GALNT17: variants seen among roughly 807,000 people sequenced by gnomAD.
The protein encoded by GALNT17 is UDP-GalNAc:polypeptide N-acetylgalactosaminyltransferase-like 3.
GALNT17 carries 29 observed loss-of-function variants against 63.7 expected under a neutral mutation model. That is an observed-to-expected ratio of 0.46 (90% confidence interval 0.34 to 0.62). The LOEUF (loss-of-function observed/expected upper bound fraction) is 0.62, where lower values mean the gene tolerates loss of function less well. GALNT17 is among the 20% of genes least tolerant of loss of function. The pLI is 0.01. For missense variants in GALNT17, 603 were observed against 799.6 expected, an observed-to-expected ratio of 0.75 and a Z score of 2.97; for synonymous variants, 305 against 318.3, an observed-to-expected ratio of 0.96 and a Z score of 0.45.
At chr7:71,691,321 G>A (rs1791440010) in intron 9 of GALNT17, among the ~76,000 whole-genome samples, 1 of 152,188 alleles carries the variant, frequency 6.6e-6, no homozygotes, top group Non-Finnish European at 1.5e-5. Flanking sequence ...ATTAAGCTAT[G>A]CACATTTTTA....
intron 1 of GALNT17, among the ~76,000 whole-genome samples, chr7:71,142,963 T>C (rs1303528956): frequency 6.9e-6 from 1 of 145,882 alleles, no homozygotes; most frequent in East Asian, 2.0e-4. Context: ...AAAAAAGGAA[T>C]GTTACACTGA....
chr7:71,220,348 T>A (rs1789561081), intron 1 of GALNT17, among the ~76,000 whole-genome samples: 1 of 152,210 alleles, frequency 6.6e-6, no homozygotes, highest in Admixed American at 6.5e-5. Context: ...TGCTTCAGTT[T>A]ATCTTGGCAC....
At chr7:71,413,566 G>T (rs1304598094) in intron 3 of GALNT17, among the ~76,000 whole-genome samples, 1 of 151,674 alleles carries the variant, frequency 6.6e-6, no homozygotes, top group African/African-American at 2.4e-5. Context: ...AAGAGACAGG[G>T]TTTCTCCATG....
intron 5 of GALNT17, among the ~76,000 whole-genome samples, chr7:71,444,005 G>T (rs899851049): frequency 2.0e-5 from 3 of 152,200 alleles, no homozygotes; most frequent in Admixed American, 6.5e-5. Flanking sequence ...GGAATTACAG[G>T]TGTGAGGCAC....
intron 5 of GALNT17, among the ~76,000 whole-genome samples, chr7:71,423,476 G>T (rs1422369732): frequency 1.3e-5 from 2 of 152,190 alleles, no homozygotes; most frequent in Admixed American, 6.5e-5. Flanking sequence ...AGAGGCAGGA[G>T]AGGCCTGTGT....
intron 6 of GALNT17, among the ~76,000 whole-genome samples, chr7:71,655,396 A>G (rs1446807775): frequency 1.3e-5 from 2 of 152,190 alleles, no homozygotes; most frequent in African/African-American, 4.8e-5. Context: ...TCTAGAAAAC[A>G]TTCCTGAATT....
chr7:71,687,357 T>G (rs1200900156), intron 9 of GALNT17, among the ~76,000 whole-genome samples: 1 of 152,228 alleles, frequency 6.6e-6, no homozygotes, highest in Admixed American at 6.5e-5. Flanking sequence ...ACCCGTGCCC[T>G]GCTGGCGTGA....
At chr7:71,214,846 G>T (rs111791701) in intron 1 of GALNT17, among the ~76,000 whole-genome samples, 1 of 152,078 alleles carries the variant, frequency 6.6e-6, no homozygotes, top group African/African-American at 2.4e-5. Flanking sequence ...CCAAAGTGCT[G>T]GGATTACAGG....
At chr7:71,206,712 G>C (rs189100683) in intron 1 of GALNT17, among the ~76,000 whole-genome samples, 37 of 152,106 alleles carry the variant, frequency 2.4e-4, no homozygotes, top group African/African-American at 8.9e-4. Flanking sequence ...ACTTGATCAG[G>C]GTCTCATATT....
At chr7:71,670,731 T>G (rs1791056018) in intron 8 of GALNT17, among the ~76,000 whole-genome samples, 1 of 152,214 alleles carries the variant, frequency 6.6e-6, no homozygotes, top group Non-Finnish European at 1.5e-5. Context: ...ATTAGCGTTA[T>G]TTCTGTTTTC....
intron 5 of GALNT17, among the ~76,000 whole-genome samples, chr7:71,433,408 G>A (rs374954426): frequency 2.0e-5 from 3 of 152,344 alleles, no homozygotes; most frequent in African/African-American, 7.2e-5. Context: ...GGGCTTTGGG[G>A]TAGAAGTGAT....
intron 5 of GALNT17, among the ~76,000 whole-genome samples, chr7:71,455,281 G>C (rs950365590): frequency 6.6e-6 from 1 of 152,064 alleles, no homozygotes; most frequent in African/African-American, 2.4e-5. Flanking sequence ...GAAAGGGCTG[G>C]TTTCTGTTTG....
intron 1 of GALNT17, among the ~76,000 whole-genome samples, chr7:71,285,423 T>A (rs919160071): frequency 6.6e-6 from 1 of 152,272 alleles, no homozygotes; most frequent in Admixed American, 6.5e-5. Context: ...TTGTAAAATC[T>A]GGACCAACCT....
chr7:71,530,901 T>G (rs1788710343), intron 5 of GALNT17, among the ~76,000 whole-genome samples: 2 of 152,148 alleles, frequency 1.3e-5, no homozygotes. Context: ...CTCCAGTTAA[T>G]TCTTAAGCAC....
chr7:71,358,698 A>C (rs1328511674), intron 2 of GALNT17, among the ~76,000 whole-genome samples: 8 of 152,210 alleles, frequency 5.3e-5, no homozygotes. Flanking sequence ...AAACGTGTTC[A>C]GAGATATGTG....
intron 9 of GALNT17, among the ~76,000 whole-genome samples, chr7:71,688,858 A>G (rs1791400418): frequency 1.3e-5 from 2 of 152,104 alleles, no homozygotes. Flanking sequence ...ACTTTATGGT[A>G]CTTTGTAGAT....
intron 1 of GALNT17, among the ~76,000 whole-genome samples, chr7:71,321,726 G>A (rs928888245): frequency 6.6e-6 from 1 of 150,540 alleles, no homozygotes; most frequent in African/African-American, 2.4e-5. Flanking sequence ...TCTTGCCTCA[G>A]CCTCTATATT....
intron 1 of GALNT17, among the ~76,000 whole-genome samples, chr7:71,333,376 A>G (rs969810431): frequency 6.6e-6 from 1 of 152,118 alleles, no homozygotes; most frequent in Non-Finnish European, 1.5e-5. Flanking sequence ...TGGAGATACT[A>G]TATTTTGTTT....
At chr7:71,243,009 C>T (rs1237925109) in intron 1 of GALNT17, among the ~76,000 whole-genome samples, 1 of 152,048 alleles carries the variant, frequency 6.6e-6, no homozygotes, top group African/African-American at 2.4e-5. Context: ...GCTCTGTGTC[C>T]CCACCCAAAT....
Sources: gnomAD v4.1 joint callset for allele counts (sites outside exome capture counted in the v4.1 genomes callset) on GRCh38, gnomAD v4.1.1 for gene constraint, MANE v1.5 for transcripts, NCBI Gene and HGNC (gene_info 2026-07-23, HGNC 2026-07-21) for gene names.